KLK10: variants seen among roughly 807,000 people sequenced by gnomAD.
KLK10 encodes the protein kallikrein-10.
A neutral mutation model predicts 25.7 loss-of-function variants in KLK10; 27 were observed. That is an observed-to-expected ratio of 1.05 (90% CI 0.77 to 1.45). The LOEUF is 1.45. Ranked by LOEUF, KLK10 falls within the 40% of genes most tolerant of loss-of-function variation. The pLI is 0.00. For missense variants in KLK10, 386 were observed against 370.0 expected, an observed-to-expected ratio of 1.04 and a Z score of -0.35; for synonymous variants, 173 against 160.1, an observed-to-expected ratio of 1.08 and a Z score of -0.61.
chr19:51,017,755 G>A (rs2091349171), intron 2 of KLK10, among the ~76,000 whole-genome samples: 1 of 151,746 alleles, frequency 6.6e-6, no homozygotes, highest in Non-Finnish European at 1.5e-5. Flanking sequence ...AAGCCGAGGC[G>A]GTTGGACCGC....
At chr19:51,018,322 GAAAA>G (rs2091361995) in intron 2 of KLK10, 1 of 149,764 alleles carries the variant, frequency 6.7e-6, no homozygotes, top group South Asian at 2.1e-4. Context: ...ACGAAAGAAA[GAAAA>G]GAAAGAAAGA....
chr19:51,017,346 G>T, intron 2 of KLK10, 56 bp from the exon 3 acceptor site: 1 of 1,508,328 alleles, frequency 6.6e-7, no homozygotes, highest in Non-Finnish European at 8.9e-7. Context: ...TGGGTTTGGG[G>T]TTGGAGCTGG....
chr19:51,015,061 G>A lies in KLK10; in HGVS notation c.679-109C>T, dbSNP rs1303993953. 1.8e-5 allele frequency: 18 copies of A among 976,756 alleles called. No homozygotes were observed. In the East Asian group the frequency reaches 3.0e-4, roughly 16 times the overall value. The allele number at this position is 976,756 out of a possible 1,614,324, so 60.5% of individuals were successfully genotyped here. A position where few individuals can be genotyped will look rare whatever the true frequency, so the allele number is the denominator to read the frequency against. On this transcript the variant is annotated intron_variant, in intron 5 of 5. Transcript: ENST00000358789. ...GAAGGAGTTGGGTTGGGATAAAGAC[G>A]AGGATGGGATGGGGTTGGAATTAGG...
At chr19:51,018,966 T>C (rs933439283) in intron 2 of KLK10, 77 bp downstream of exon 2, 63 of 1,088,138 alleles carry the variant, frequency 5.8e-5, no homozygotes, top group African/African-American at 1.9e-4. Flanking sequence ...TGCGCGGGGC[T>C]TGGTGACGGG....
At position 51,016,129 on chromosome 19, in the gene KLK10, G is replaced by A. The variant is rs1140280; in HGVS notation, c.297C>T (p.Asp99=). The A allele has an allele frequency of 1.9e-6, 3 of 1,587,974 alleles. No individual in the cohort carries two copies. Among genetic ancestry groups the A allele is most frequent in the African/African-American group, 2.7e-5 (2 of 74,264 alleles). ...NKPLWARVGD[D]HLLLLQGEQL... is the part of the protein sequence containing the mutation. ...GCTCTCCCTGAAGAAGCAGCAGGTG[G>A]TCATCCCCTACTCGAGCCCACAGTG... Residue 99 remains aspartate, a synonymous_variant, in exon 4 of 6, where the codon GAC becomes GAT. Coordinates refer to ENST00000358789, the MANE Select transcript of KLK10 (RefSeq NM_145888.3).
At position 51,015,955 on chromosome 19, in the gene KLK10, C is replaced by T; in HGVS notation, c.471G>A (p.Gln157=). 4 of 1,588,474 alleles carry T rather than the reference C, an allele frequency of 2.5e-6. No homozygotes were observed. Among genetic ancestry groups the T allele is most frequent in the Non-Finnish European group, 3.4e-6 (4 of 1,169,346 alleles). ...VVLGPRVRAL[Q]LPYRCAQPGD... is the part of the protein sequence containing the mutation. ...CGGGCTGAGCACAGCGGTAGGGAAG[C>T]TGCAGGGCCCGGACGCGGGGCCCCA... The change falls in exon 4 of 6, where the codon CAG becomes CAA. Residue 157 remains glutamine, a synonymous_variant. Coordinates refer to ENST00000358789, the MANE Select transcript of KLK10 (RefSeq NM_145888.3).
At chr19:51,016,331 G>A (rs560986689) in intron 3 of KLK10, among the ~76,000 whole-genome samples, 175 bp from the exon 4 acceptor site, 2 of 152,194 alleles carry the variant, frequency 1.3e-5, no homozygotes, top group East Asian at 3.9e-4. Context: ...CTGAGGATCT[G>A]TAGGAATTGA....
Position 51,019,120 on chromosome 19 carries a change from G to T in KLK10, c.11C>A (p.Pro4Gln). The change falls in exon 2 of 6, where the codon CCG becomes CAG. Residue 4 changes from proline (P) to glutamine (Q), a missense_variant. Pro to Gln is a moderately conservative substitution (Grantham distance 76). Transcript: ENST00000358789. This position sits in a 1 kb window ranked among gnomAD's most constrained non-coding sequence, Gnocchi z 4.2. ...AGAGGCGGCGGAGAGGTGGAGGTGC[G>T]GAGCTCTCATGGCCAGGATCTGCTG... MRA[P>Q]HLHLSAASGA... is the part of the protein sequence containing the mutation. 6.2e-7 allele frequency: 1 copy of T among 1,609,118 alleles called. No homozygotes were observed.
Position 51,019,084 on chromosome 19 carries a change from G to A in KLK10, c.47C>T (p.Ala16Val). 2 of 1,608,530 alleles carry A rather than the reference G, an allele frequency of 1.2e-6. No individual in the cohort carries two copies. Among genetic ancestry groups the A allele is most frequent in the African/African-American group, 2.7e-5 (2 of 75,028 alleles). Reference sequence around the variant, plus strand: ...CAGCAGCGGCAGCAGCTTCGCCAGAGCCCGGGCGCCAGAGGCGGCGGAGAG... The same window carrying A: ...CAGCAGCGGCAGCAGCTTCGCCAGAACCCGGGCGCCAGAGGCGGCGGAGAG... ...LHLSAASGAR[A>V]LAKLLPLLMA... The change falls in exon 2 of 6, where the codon GCT (alanine) becomes GTT (valine). Residue 16 changes from alanine to valine, a missense_variant. Transcript: ENST00000358789. The surrounding 1 kb of genome is among the most constrained non-coding windows in gnomAD (Gnocchi z 4.2).
intron 3 of KLK10, 31 bp downstream of exon 3, chr19:51,017,079 G>T (rs763168955): frequency 5.8e-6 from 9 of 1,539,206 alleles, no homozygotes; most frequent in Admixed American, 2.0e-5. Flanking sequence ...ACAGCCCCCC[G>T]TGGCGTCCTC....
At chr19:51,015,051 G>C in intron 5 of KLK10, 99 bp from the exon 6 acceptor site, 1 of 1,078,972 alleles carries the variant, frequency 9.3e-7, no homozygotes, top group Middle Eastern at 3.0e-4. Context: ...AGTTGGGTTG[G>C]GATAAAGACG....
intron 2 of KLK10, chr19:51,018,788 C>G (rs186378282): frequency 4.1e-4 from 222 of 548,062 alleles, no homozygotes; most frequent in African/African-American, 3.5e-3. Flanking sequence ...GGAGAAAGAA[C>G]GCGGCGAAGA....
chr19:51,014,845 G>C lies in KLK10; in HGVS notation c.786C>G (p.Ile262Met). ...SAQHPAVYTQICKYMSWINKV... is the reference protein window; with the variant it reads ...SAQHPAVYTQMCKYMSWINKV... Reference sequence around the variant, plus strand: ...TATTGATCCAGGACATGTATTTGCAGATCTGGGTGTAGACAGCTGGATGCT... The same window carrying C: ...TATTGATCCAGGACATGTATTTGCACATCTGGGTGTAGACAGCTGGATGCT... Residue 262 changes from isoleucine to methionine, a missense_variant, in exon 6 of 6, where the codon ATC (isoleucine) becomes ATG (methionine). Ile to Met is a conservative substitution (Grantham distance 10). Transcript: ENST00000358789. 1 of 1,614,134 alleles carries C rather than the reference G, an allele frequency of 6.2e-7. No individual in the cohort carries two copies. Among genetic ancestry groups the C allele is most frequent in the African/African-American group, 1.3e-5 (1 of 75,044 alleles).
Position 51,015,894 on chromosome 19 carries a change from C to T in KLK10, c.532G>A (p.Ala178Thr). 1.3e-6 allele frequency: 2 copies of T among 1,557,774 alleles called. No homozygotes were observed. Among genetic ancestry groups the T allele is most frequent in the East Asian group, 2.3e-5 (1 of 43,676 alleles). The part of the protein sequence containing the change: ...QCQVAGWGTT[A>T]ARRVKYNKGL... Reference sequence around the variant, plus strand: ...CCCCAGCTCTTGCCTCTCCGGGCGGCCGTGGTGCCCCAGCCAGCAACCTGG... The same window carrying T: ...CCCCAGCTCTTGCCTCTCCGGGCGGTCGTGGTGCCCCAGCCAGCAACCTGG... The change falls in exon 4 of 6, where the codon GCC (alanine) becomes ACC (threonine). Residue 178 changes from alanine to threonine, a missense_variant. Transcript: ENST00000358789.
In KLK10 at chr19:51,019,134, C is replaced by A; in HGVS notation, c.-4G>T. 1 of 1,607,440 alleles carries A rather than the reference C, an allele frequency of 6.2e-7. No individual in the cohort carries two copies. Among genetic ancestry groups the A allele is most frequent in the Non-Finnish European group, 8.5e-7 (1 of 1,178,196 alleles). On this transcript the variant is annotated 5_prime_UTR_variant, in exon 2 of 6. Coordinates refer to ENST00000358789, the MANE Select transcript of KLK10 (RefSeq NM_145888.3). The surrounding 1 kb of genome is among the most constrained non-coding windows in gnomAD (Gnocchi z 4.2). ...GGTGGAGGTGCGGAGCTCTCATGGC[C>A]AGGATCTGCTGGGGTGTGTGCAGGG...
chr19:51,015,959 A>G lies in KLK10; in HGVS notation c.467T>C (p.Leu156Pro), dbSNP rs752368389. ...PVVLGPRVRA[L>P]QLPYRCAQPG... is the part of the protein sequence containing the mutation. Reference sequence around the variant, plus strand: ...CTGAGCACAGCGGTAGGGAAGCTGCAGGGCCCGGACGCGGGGCCCCAGCAC... The same window carrying G: ...CTGAGCACAGCGGTAGGGAAGCTGCGGGGCCCGGACGCGGGGCCCCAGCAC... Residue 156 changes from leucine (L) to proline (P), a missense_variant, in exon 4 of 6, where the codon CTG (leucine) becomes CCG (proline). Coordinates refer to ENST00000358789, the MANE Select transcript of KLK10 (RefSeq NM_145888.3). The G allele has an allele frequency of 1.8e-5, 29 of 1,587,228 alleles. No homozygotes were observed. The highest frequency in any genetic ancestry group is 2.5e-5 in the Non-Finnish European group (29 of 1,168,434).
At chr19:51,015,186 G>A (rs1394105983) in intron 5 of KLK10, among the ~76,000 whole-genome samples, 5 of 151,802 alleles carry the variant, frequency 3.3e-5, no homozygotes, top group African/African-American at 1.2e-4. Flanking sequence ...TGGGATTGTA[G>A]TTCATGGAAG....
rs1053376402 is a variant in KLK10 at position 51,017,147 on chromosome 19, G to A, written c.232C>T (p.Gln78Ter). ...TGCGCGGCCGTCAGCACCCAACTCT[G>A]GTCCACCAGGACACCCGCGCAGTGG... Reference protein sequence around the residue: ...SFHCAGVLVDQSWVLTAAHCG... With the variant: ...SFHCAGVLVD Residue 78 changes from glutamine to a stop codon, truncating the protein, a stop_gained, in exon 3 of 6, where the codon CAG becomes TAG. Coordinates refer to ENST00000358789, the MANE Select transcript of KLK10 (RefSeq NM_145888.3). LOFTEE classifies it high-confidence loss of function. The A allele has an allele frequency of 7.4e-6, 12 of 1,611,432 alleles. No individual in the cohort carries two copies. Among genetic ancestry groups the A allele is most frequent in the Non-Finnish European group, 1.0e-5 (12 of 1,179,556 alleles).
intron 3 of KLK10, among the ~76,000 whole-genome samples, chr19:51,016,419 G>T (rs1345789769): frequency 6.6e-6 from 1 of 151,948 alleles, no homozygotes; most frequent in East Asian, 1.9e-4. Flanking sequence ...TTGAAACAGA[G>T]TTTCGCTCTT....
Sources: allele counts gnomAD v4.1 joint callset (sites outside exome capture counted in the v4.1 genomes callset), GRCh38; gene constraint gnomAD v4.1.1; non-coding constraint Gnocchi (gnomAD v3.1); transcripts MANE v1.5; gene names NCBI Gene and HGNC (gene_info 2026-07-23, HGNC 2026-07-21).